ELAPOR1: variants seen among roughly 807,000 people sequenced by gnomAD.
ELAPOR1 encodes endosome/lysosome-associated apoptosis and autophagy regulator 1.
A neutral mutation model predicts 119.7 loss-of-function variants in ELAPOR1; 77 were observed. The ratio of observed to expected loss-of-function variants is 0.64; its 90% CI spans 0.54 to 0.78. The LOEUF is 0.78. ELAPOR1 is among the 30% of genes least tolerant of loss of function. ELAPOR1 has a pLI of 0.00. For synonymous variants in ELAPOR1, 481 were observed against 487.2 expected (o/e 0.99, Z 0.17); for missense variants, 1,115 against 1,270.4 (o/e 0.88, Z 1.86).
chr1:109,157,705 A>T (rs1021257646), intron 1 of ELAPOR1, among the ~76,000 whole-genome samples: 2 of 152,038 alleles, frequency 1.3e-5, no homozygotes, highest in African/African-American at 4.8e-5. Context: ...TAATTTGCCT[A>T]TTTACTTAGG....
At chr1:109,149,963 C>T (rs1028884120) in intron 1 of ELAPOR1, among the ~76,000 whole-genome samples, 7 of 152,158 alleles carry the variant, frequency 4.6e-5, no homozygotes, top group South Asian at 2.1e-4. Flanking sequence ...TGCCGGGCCC[C>T]GAGCCTGGCA....
At chr1:109,138,594 G>GCAGCAGCAGCAGCAGCAGCAGCAGCAGCA (rs1553251171) in intron 1 of ELAPOR1, among the ~76,000 whole-genome samples, 3 of 152,078 alleles carry the variant, frequency 2.0e-5, no homozygotes, top group Non-Finnish European at 4.4e-5. Flanking sequence ...AGCAGCAGCA[G>GCAGCAGCAGCAGCAGCAGCAGCAGCAGCA]GCTAAAACTT....
chr1:109,157,400 C>A (rs1650948673), intron 1 of ELAPOR1, among the ~76,000 whole-genome samples: 1 of 152,078 alleles, frequency 6.6e-6, no homozygotes, highest in Admixed American at 6.6e-5. Context: ...ATGTGCTTGA[C>A]CTACATCATC....
At position 109,143,809 on chromosome 1, in the gene ELAPOR1, A is replaced by G. The variant is rs528318690; in HGVS notation, c.154-18085A>G. ...CTCAGCTGCCCAAGTAGCTGGGAGT[A>G]CAGACATAAGCCACCATGCCCAGCT... is the stretch of plus-strand genomic sequence containing the variant. On this transcript the variant is annotated intron_variant, in intron 1 of 21. Transcript: ENST00000369939. Among the ~76,000 whole-genome samples, 854 of 151,912 alleles carry G rather than the reference A, an allele frequency of 5.6e-3. 3 individuals are homozygous for G. Among genetic ancestry groups the G allele is most frequent in the Non-Finnish European group, 9.1e-3 (620 of 67,996 alleles).
chr1:109,132,146 C>T (rs1215867192), intron 1 of ELAPOR1, among the ~76,000 whole-genome samples: 1 of 152,008 alleles, frequency 6.6e-6, no homozygotes, highest in Admixed American at 6.6e-5. Flanking sequence ...TTATTGCAGA[C>T]CAACCAGGCT....
chr1:109,118,017 CT>C (rs1247490459), intron 1 of ELAPOR1, among the ~76,000 whole-genome samples: 5 of 151,932 alleles, frequency 3.3e-5, no homozygotes, highest in Admixed American at 6.6e-5. Context: ...ATCCCAGCTA[CT>C]TGGGAGACTG....
rs1654344586 is a variant in ELAPOR1, at chr1:109,203,980, G to GT, written c.*969dup. The stretch of plus-strand genomic sequence containing the variant: ...ACTCTGTCACCTAGGCTGGAGTGCA[G>GT]TGGCATAATCACTGTTCAGTGCAGC... On this transcript the variant is annotated 3_prime_UTR_variant, in exon 22 of 22. Transcript: ENST00000369939. 6.6e-6 allele frequency: 1 copy of GT among 152,032 alleles called. No homozygotes were observed. The highest frequency in any genetic ancestry group is 2.4e-5 in the African/African-American group (1 of 41,354). 9.4% of individuals were successfully genotyped at this position (152,032 alleles called of 1,614,324 possible). A position where few individuals can be genotyped will look rare whatever the true frequency, so the allele number is the denominator to read the frequency against.
At chr1:109,173,402 C>A (rs1652045838) in intron 5 of ELAPOR1, 72 bp from the exon 6 acceptor site, 3 of 1,262,930 alleles carry the variant, frequency 2.4e-6, no homozygotes, top group Non-Finnish European at 3.4e-6. Context: ...GTCATCCCAA[C>A]AAGAGGCTAT....
At chr1:109,130,409 A>G (rs1292701095) in intron 1 of ELAPOR1, among the ~76,000 whole-genome samples, 2 of 152,190 alleles carry the variant, frequency 1.3e-5, no homozygotes, top group African/African-American at 4.8e-5. Context: ...GAGGGCTTCA[A>G]AGAAGTACTA....
At chr1:109,174,618 A>T (rs887459147) in intron 7 of ELAPOR1, among the ~76,000 whole-genome samples, 1 of 151,822 alleles carries the variant, frequency 6.6e-6, no homozygotes, top group Non-Finnish European at 1.5e-5. Flanking sequence ...TATATAATAA[A>T]TTATATAGTA....
At chr1:109,170,760 T>C (rs1012061660) in intron 3 of ELAPOR1, among the ~76,000 whole-genome samples, 2 of 152,176 alleles carry the variant, frequency 1.3e-5, no homozygotes, top group African/African-American at 4.8e-5. Context: ...GGCTGCAGCA[T>C]GCAGAGGGCT....
In ELAPOR1 at chr1:109,188,231, G is replaced by C. The variant is rs771766659; in HGVS notation, c.1096G>C (p.Gly366Arg). The change falls in exon 9 of 22, where the codon GGG (glycine) becomes CGG (arginine). Residue 366 changes from glycine to arginine, a missense_variant. By Grantham distance (125) the Gly-to-Arg change is moderately radical. Coordinates refer to ENST00000369939, the MANE Select transcript of ELAPOR1 (RefSeq NM_020775.5). ...KPKICSEDLE[G>R]AVKLPASGVK... ...GAAAATCTGTAGCGAGGACCTTGAG[G>C]GGGCAGTGAAGCTGCCTGCCTCTGG... The C allele has an allele frequency of 3.0e-5, 48 of 1,613,824 alleles. No individual in the cohort carries two copies. The highest frequency in any genetic ancestry group is 1.0e-4 in the Admixed American group (6 of 59,992).
At chr1:109,196,236 G>A (rs1653786224) in intron 15 of ELAPOR1, among the ~76,000 whole-genome samples, 1 of 152,168 alleles carries the variant, frequency 6.6e-6, no homozygotes, top group Non-Finnish European at 1.5e-5. Context: ...ACATCATAGA[G>A]CTCTGACCCA....
intron 2 of ELAPOR1, 103 bp downstream of exon 2, chr1:109,162,117 T>G: frequency 7.6e-7 from 1 of 1,311,562 alleles, no homozygotes; most frequent in Non-Finnish European, 1.0e-6. Context: ...AGCAGCTGCA[T>G]TAAGGAATCA....
rs1654345774 is a variant in ELAPOR1 at position 109,203,994 on chromosome 1, G to A, written c.*982G>A. ...GCTGGAGTGCAGTGGCATAATCACT[G>A]TTCAGTGCAGCCTCAAGCTCTTGGG... On this transcript the variant is annotated 3_prime_UTR_variant, in exon 22 of 22. Transcript: ENST00000369939. The A allele has an allele frequency of 6.6e-6, 1 of 152,040 alleles. No homozygotes were observed. Among genetic ancestry groups the A allele is most frequent in the South Asian group, 2.1e-4 (1 of 4,824 alleles). The allele number at this position is 152,040 out of a possible 1,614,324, so 9.4% of individuals were successfully genotyped here.
chr1:109,192,728 T>A lies in ELAPOR1; in HGVS notation c.1801T>A (p.Ser601Thr). ...CCTAGAAGCCTCTGATGTGGGCTCC[T>A]CCTGCACCTCTTGTCCTGCTGGTTA... ...CALEASDVGSSCTSCPAGYYI... is the reference protein window; with the variant it reads ...CALEASDVGSTCTSCPAGYYI... The change falls in exon 14 of 22, where the codon TCC becomes ACC. Residue 601 changes from serine to threonine, a missense_variant. Coordinates refer to ENST00000369939, the MANE Select transcript of ELAPOR1 (RefSeq NM_020775.5). The A allele has an allele frequency of 1.2e-6, 2 of 1,614,102 alleles. No homozygotes were observed. Among genetic ancestry groups the A allele is most frequent in the South Asian group, 1.1e-5 (1 of 91,086 alleles).
intron 3 of ELAPOR1, among the ~76,000 whole-genome samples, chr1:109,168,392 T>C (rs538021143): frequency 1.6e-4 from 24 of 152,354 alleles, no homozygotes; most frequent in African/African-American, 5.5e-4. Context: ...GTCTTGTTCA[T>C]CACTGTGTCT....
intron 1 of ELAPOR1, among the ~76,000 whole-genome samples, chr1:109,144,799 A>G (rs1334992911): frequency 6.6e-6 from 1 of 152,124 alleles, no homozygotes; most frequent in East Asian, 1.9e-4. Context: ...TACTTTGTTT[A>G]TATTTCCCAT....
intron 11 of ELAPOR1, 31 bp from the exon 12 acceptor site, chr1:109,191,335 T>C: frequency 1.3e-6 from 2 of 1,531,506 alleles, no homozygotes; most frequent in Admixed American, 1.7e-5. Context: ...GCCTGGCCTT[T>C]AGAACTGACT....
Sources: gnomAD v4.1 joint callset for allele counts (sites outside exome capture counted in the v4.1 genomes callset) on GRCh38, gnomAD v4.1.1 for gene constraint, MANE v1.5 for transcripts, NCBI Gene and HGNC (gene_info 2026-07-23, HGNC 2026-07-21) for gene names.